The following ARHGEF38 variants were observed in gnomAD, a reference collection of about 807,000 sequenced individuals.
The protein encoded by ARHGEF38 is Rho guanine nucleotide exchange factor (GEF) 38.
ARHGEF38 carries 79 observed loss-of-function variants against 79.9 expected under a neutral mutation model. The ratio of observed to expected loss-of-function variants is 0.99; its 90% CI spans 0.82 to 1.19. ARHGEF38 has a LOEUF of 1.19. Ranked by LOEUF, ARHGEF38 falls within the 50% of genes most tolerant of loss-of-function variation. ARHGEF38 has a pLI of 0.00. For missense variants in ARHGEF38, 962 were observed against 907.2 expected (o/e 1.06, Z -0.78); for synonymous variants, 366 against 328.3 (o/e 1.11, Z -1.24).
intron 1 of ARHGEF38, among the ~76,000 whole-genome samples, chr4:105,564,594 T>C (rs989811650): frequency 6.6e-6 from 1 of 152,192 alleles, no homozygotes; most frequent in African/African-American, 2.4e-5. Flanking sequence ...TTAATGATAC[T>C]GAACTGTTTA....
intron 2 of ARHGEF38, 24 bp downstream of exon 2, chr4:105,589,459 T>C (rs759344809): frequency 3.7e-5 from 59 of 1,583,952 alleles, no homozygotes; most frequent in Non-Finnish European, 3.4e-6. Flanking sequence ...TGAGATTTTT[T>C]TTTCTCTCCC....
chr4:105,680,970 A>G (rs1339446814), downstream of ARHGEF38: 3 of 152,142 alleles, frequency 2.0e-5, no homozygotes, highest in African/African-American at 7.2e-5. Flanking sequence ...CTGAGTTTTT[A>G]TGTCAGGTAA....
At chr4:105,615,118 G>A (rs1039284334) in intron 3 of ARHGEF38, among the ~76,000 whole-genome samples, 2 of 152,216 alleles carry the variant, frequency 1.3e-5, no homozygotes, top group African/African-American at 2.4e-5. Context: ...AATGCCAAGT[G>A]TGTTTAGGAA....
At chr4:105,603,336 C>A (rs905703874) in intron 2 of ARHGEF38, among the ~76,000 whole-genome samples, 1 of 152,098 alleles carries the variant, frequency 6.6e-6, no homozygotes, top group Non-Finnish European at 1.5e-5. Flanking sequence ...TGGAATGTGG[C>A]TCCTCCTTGA....
chr4:105,651,699 G>C (rs542311769), intron 7 of ARHGEF38, among the ~76,000 whole-genome samples: 1 of 151,996 alleles, frequency 6.6e-6, no homozygotes, highest in African/African-American at 2.4e-5. Flanking sequence ...GCCCAAGCTG[G>C]GCTAGAGTGT....
intron 1 of ARHGEF38, among the ~76,000 whole-genome samples, chr4:105,586,896 C>T (rs1407715376): frequency 6.6e-6 from 1 of 151,844 alleles, no homozygotes; most frequent in Non-Finnish European, 1.5e-5. Context: ...CCTCTCTGCC[C>T]TCAGTCTCCC....
chr4:105,661,019 AT>A (rs1207833730), intron 10 of ARHGEF38, among the ~76,000 whole-genome samples: 4 of 152,110 alleles, frequency 2.6e-5, no homozygotes, highest in Non-Finnish European at 5.9e-5. Context: ...GCAACTATCA[AT>A]TTACTTTCTG....
chr4:105,628,381 T>G (rs2110513636), intron 3 of ARHGEF38, among the ~76,000 whole-genome samples: 2 of 152,340 alleles, frequency 1.3e-5, no homozygotes, highest in South Asian at 4.1e-4. Context: ...CCAGTCCCAC[T>G]TCTGGGCCCT....
rs1295590151 is a variant in ARHGEF38 at position 105,589,333 on chromosome 4, G to A, written c.282G>A (p.Lys94=). Residue 94 remains lysine (K), a synonymous_variant, in exon 2 of 14, where the codon AAG becomes AAA. Coordinates refer to ENST00000420470, the MANE Select transcript of ARHGEF38 (RefSeq NM_001242729.2). ...ATCATATGAAGAGGATGATGGCAAA[G>A]CGGGAAAAGATCATTAAGGAGCTGA... ...EEHHMKRMMA[K]REKIIKELIQ... 3 of 1,613,978 alleles carry A rather than the reference G, an allele frequency of 1.9e-6. No homozygotes were observed. The highest frequency in any genetic ancestry group is 1.7e-5 in the Admixed American group (1 of 59,994).
At chr4:105,558,917 G>A (rs532261620) in intron 1 of ARHGEF38, among the ~76,000 whole-genome samples, 9 of 150,538 alleles carry the variant, frequency 6.0e-5, no homozygotes, top group Non-Finnish European at 1.3e-4. Context: ...GGAGGGGAGA[G>A]ACAGACAGAA....
chr4:105,601,276 T>C (rs987020920), intron 2 of ARHGEF38, among the ~76,000 whole-genome samples: 4 of 152,192 alleles, frequency 2.6e-5, no homozygotes, highest in African/African-American at 9.6e-5. Context: ...CTTGCTGTTT[T>C]CTTTGCCTTG....
intron 3 of ARHGEF38, among the ~76,000 whole-genome samples, chr4:105,628,903 C>G (rs894622207): frequency 6.6e-6 from 1 of 152,094 alleles, no homozygotes; most frequent in Admixed American, 6.5e-5. Context: ...AGCAAAGCAA[C>G]CTTAAGAGAC....
intron 13 of ARHGEF38, among the ~76,000 whole-genome samples, chr4:105,671,197 T>G (rs1730946338): frequency 1.3e-5 from 2 of 152,194 alleles, no homozygotes; most frequent in Non-Finnish European, 2.9e-5. Flanking sequence ...ATATAAGCAT[T>G]ATTACTAATA....
At chr4:105,610,283 T>C (rs1728235965) in intron 2 of ARHGEF38, among the ~76,000 whole-genome samples, 1 of 152,048 alleles carries the variant, frequency 6.6e-6, no homozygotes, top group Admixed American at 6.6e-5. Flanking sequence ...CATGTATACC[T>C]ATGTGACAAA....
At chr4:105,584,732 A>G (rs973376977) in intron 1 of ARHGEF38, among the ~76,000 whole-genome samples, 2 of 152,182 alleles carry the variant, frequency 1.3e-5, no homozygotes, top group African/African-American at 4.8e-5. Context: ...TATAATTTAC[A>G]AAGAAAGAAA....
At chr4:105,648,520 A>G (rs1368394499) in intron 6 of ARHGEF38, 29 bp from the exon 7 acceptor site, 22 of 1,472,466 alleles carry the variant, frequency 1.5e-5, no homozygotes, top group Non-Finnish European at 2.0e-5. Context: ...GCATGTGTTC[A>G]GCTACGTTAT....
chr4:105,586,164 T>C (rs1031646129), intron 1 of ARHGEF38, among the ~76,000 whole-genome samples: 16 of 151,568 alleles, frequency 1.1e-4, no homozygotes, highest in African/African-American at 3.9e-4. Context: ...AGATAAAATG[T>C]TTAAATGCAG....
chr4:105,562,811 G>A (rs1725701680), intron 1 of ARHGEF38, among the ~76,000 whole-genome samples: 1 of 152,150 alleles, frequency 6.6e-6, no homozygotes, highest in South Asian at 2.1e-4. Context: ...GGGTGGAGGG[G>A]AATTATTAGG....
At chr4:105,664,030 T>C (rs1730662250) in intron 10 of ARHGEF38, among the ~76,000 whole-genome samples, 1 of 152,070 alleles carries the variant, frequency 6.6e-6, no homozygotes, top group Admixed American at 6.6e-5. Flanking sequence ...ATTTTGTTTA[T>C]TTACTCATAT....
Sources: gnomAD v4.1 joint callset for allele counts (sites outside exome capture counted in the v4.1 genomes callset) on GRCh38, gnomAD v4.1.1 for gene constraint, MANE v1.5 for transcripts, NCBI Gene and HGNC (gene_info 2026-07-23, HGNC 2026-07-21) for gene names.